INPP4B: variants seen among roughly 807,000 people sequenced by gnomAD.
INPP4B encodes the protein inositol polyphosphate-4-phosphatase type II B.
INPP4B carries 55 observed loss-of-function variants against 122.5 expected under a neutral mutation model. The ratio of observed to expected loss-of-function variants is 0.45; its 90% confidence interval spans 0.36 to 0.56. The LOEUF is 0.56. Ranked by LOEUF, INPP4B falls within the 20% of genes least tolerant of loss-of-function variation. INPP4B has a pLI of 0.00. For synonymous variants in INPP4B, 403 were observed against 388.7 expected, an observed-to-expected ratio of 1.04 and a Z score of -0.43; for missense variants, 1,000 against 1,097.7, an observed-to-expected ratio of 0.91 and a Z score of 1.26.
intron 7 of INPP4B, chr4:142,383,976 CAAG>C (rs1221942104): frequency 1.5e-6 from 1 of 654,524 alleles, no homozygotes; most frequent in Non-Finnish European, 2.8e-6. Context: ...GTGCAGCTGT[CAAG>C]AAGCTCATGT....
At chr4:142,323,244 T>A (rs1364704180) in intron 7 of INPP4B, among the ~76,000 whole-genome samples, 1 of 152,148 alleles carries the variant, frequency 6.6e-6, no homozygotes, top group Non-Finnish European at 1.5e-5. Context: ...AAATGCAGTA[T>A]CTCAGGCTTA....
At chr4:142,214,928 T>A (rs1223211871) in intron 12 of INPP4B, among the ~76,000 whole-genome samples, 1 of 152,244 alleles carries the variant, frequency 6.6e-6, no homozygotes, top group Non-Finnish European at 1.5e-5. Flanking sequence ...TTATATTACT[T>A]ATTTTCCTCA....
chr4:142,221,461 C>T (rs1849363341), intron 12 of INPP4B, among the ~76,000 whole-genome samples: 1 of 143,484 alleles, frequency 7.0e-6, no homozygotes, highest in Admixed American at 7.0e-5. Context: ...TAGCAGAGAA[C>T]ATCTATCTTG....
intron 10 of INPP4B, among the ~76,000 whole-genome samples, chr4:142,263,680 A>ATATATATATATG (rs61694410): frequency 0.036 from 2,946 of 81,800 alleles, 695 homozygotes; most frequent in East Asian, 0.072. Flanking sequence ...ATATATATAT[A>ATATATATATATG]ACATTGAACA....
intron 14 of INPP4B, among the ~76,000 whole-genome samples, chr4:142,204,949 T>C (rs935038072): frequency 6.6e-6 from 1 of 152,074 alleles, no homozygotes; most frequent in Non-Finnish European, 1.5e-5. Context: ...AGAAAACCAA[T>C]ACATATCCCA....
At chr4:142,451,807 C>G (rs1241211544) in intron 3 of INPP4B, among the ~76,000 whole-genome samples, 1 of 152,112 alleles carries the variant, frequency 6.6e-6, no homozygotes, top group African/African-American at 2.4e-5. Context: ...AACAGAAGCA[C>G]TGAGCTTTTG....
chr4:142,335,644 G>A (rs1776323075), intron 7 of INPP4B, among the ~76,000 whole-genome samples: 1 of 152,154 alleles, frequency 6.6e-6, no homozygotes, highest in Admixed American at 6.5e-5. Flanking sequence ...GTGACACTAA[G>A]CACCCTTAGG....
In INPP4B at chr4:142,802,187, T is replaced by A. The variant is rs562032141; in HGVS notation, c.-254+44022A>T. ...CCACATCTCTTCCTGCCCCAACAGG[T>A]TTTTAATGTGGCAAATCCCCAGAGA... On this transcript the variant is annotated intron_variant, in intron 1 of 25. Coordinates refer to ENST00000262992, the MANE Select transcript of INPP4B (RefSeq NM_001101669.3). Among the ~76,000 whole-genome samples the A allele has an allele frequency of 9.1e-4, 138 of 152,062 alleles. 3 individuals carry two copies. In the South Asian group the frequency reaches 0.028, roughly 31 times the overall value.
intron 7 of INPP4B, among the ~76,000 whole-genome samples, chr4:142,355,619 T>C (rs190443651): frequency 6.6e-6 from 1 of 152,180 alleles, no homozygotes; most frequent in East Asian, 1.9e-4. Context: ...CACATATTCT[T>C]ATCTACTATG....
intron 1 of INPP4B, among the ~76,000 whole-genome samples, chr4:142,729,295 C>T (rs550684912): frequency 1.1e-4 from 16 of 152,292 alleles, no homozygotes; most frequent in Non-Finnish European, 2.2e-4. Context: ...TTGGGGATCC[C>T]TGCTAGCTCA....
chr4:142,804,149 G>A (rs12331053), intron 1 of INPP4B, among the ~76,000 whole-genome samples: 6,039 of 151,890 alleles, frequency 0.04, 156 homozygotes, highest in African/African-American at 0.058. Context: ...ATAGCTCATC[G>A]TGACCAGATA....
chr4:142,597,330 T>C (rs958860554), intron 2 of INPP4B, among the ~76,000 whole-genome samples: 1 of 152,252 alleles, frequency 6.6e-6, no homozygotes, highest in Non-Finnish European at 1.5e-5. Flanking sequence ...ATCTTAACTA[T>C]GTGGATCAAC....
intron 2 of INPP4B, among the ~76,000 whole-genome samples, chr4:142,649,004 G>T (rs956622949): frequency 1.3e-5 from 2 of 152,154 alleles, no homozygotes; most frequent in Non-Finnish European, 2.9e-5. Flanking sequence ...CTAGAGGGAG[G>T]ATCAGGCAGC....
chr4:142,843,167 G>T (rs932828790), intron 1 of INPP4B, among the ~76,000 whole-genome samples: 3 of 151,236 alleles, frequency 2.0e-5, no homozygotes, highest in Non-Finnish European at 4.4e-5. Flanking sequence ...GGTATATACT[G>T]CTCTAAAGTT....
chr4:142,628,019 G>T (rs1746916039), intron 2 of INPP4B, among the ~76,000 whole-genome samples: 1 of 152,046 alleles, frequency 6.6e-6, no homozygotes, highest in Non-Finnish European at 1.5e-5. Context: ...ATTTCTTCTA[G>T]ATTTTCTAGT....
rs568380549 is a variant in INPP4B, at chr4:142,602,267, C to T, written c.-191+123572G>A. 5.3e-4 allele frequency among the ~76,000 whole-genome samples: 81 copies of T among 152,078 alleles called. 1 individual carries two copies. Among genetic ancestry groups the T allele is most frequent in the African/African-American group, 1.9e-3 (79 of 41,514 alleles). On this transcript the variant is annotated intron_variant, in intron 2 of 25. Coordinates refer to ENST00000262992, the MANE Select transcript of INPP4B (RefSeq NM_001101669.3). ...AATGATAAAATACCTAGGGATACAG[C>T]TAACATGGGAAGTGAAGGATCCCTT...
chr4:142,671,124 G>GA (rs1756927758), intron 2 of INPP4B, among the ~76,000 whole-genome samples: 14 of 152,012 alleles, frequency 9.2e-5, no homozygotes, highest in Admixed American at 9.2e-4. Flanking sequence ...ATAGATGTAG[G>GA]TAAAAACACC....
At chr4:142,284,070 G>A (rs891876253) in intron 9 of INPP4B, among the ~76,000 whole-genome samples, 11 of 152,076 alleles carry the variant, frequency 7.2e-5, no homozygotes, top group African/African-American at 2.4e-4. Flanking sequence ...TAGCAATATG[G>A]AGCCATTACT....
chr4:142,537,423 TATATATAGAGAGAGAGAGAGAGAG>T (rs1292258549), intron 2 of INPP4B, among the ~76,000 whole-genome samples: 19 of 48,010 alleles, frequency 4.0e-4, no homozygotes, highest in African/African-American at 1.0e-3. Flanking sequence ...TATATATATA[TATATATAGAGAGAGAGAGAGAGAG>T]AGAGAGAGAG....
Sources: gnomAD v4.1 joint callset for allele counts (sites outside exome capture counted in the v4.1 genomes callset) on GRCh38, gnomAD v4.1.1 for gene constraint, MANE v1.5 for transcripts, NCBI Gene and HGNC (gene_info 2026-07-23, HGNC 2026-07-21) for gene names.